The following MAML3 variants were observed in gnomAD, a reference collection of about 807,000 sequenced individuals.
The protein encoded by MAML3 is mastermind-like protein 3.
MAML3 carries 27 observed loss-of-function variants against 101.9 expected under a neutral mutation model. That is an observed-to-expected ratio of 0.27 (90% CI 0.20 to 0.37). The LOEUF (loss-of-function observed/expected upper bound fraction) is 0.37. Ranked by LOEUF, MAML3 falls within the 10% of genes least tolerant of loss-of-function variation. MAML3 has a pLI of 1.00. For missense variants in MAML3, 1,316 were observed against 1,444.9 expected (o/e 0.91, Z 1.45); for synonymous variants, 501 against 555.9 (o/e 0.90, Z 1.39).
Position 139,890,224 on chromosome 4 carries a change from T to C in MAML3, c.1212A>G (p.Pro404=). The C allele has an allele frequency of 6.2e-7, 1 of 1,613,548 alleles. No individual in the cohort carries two copies. Among genetic ancestry groups the C allele is most frequent in the Non-Finnish European group, 8.5e-7 (1 of 1,179,870 alleles). The change falls in exon 2 of 5, where the codon CCA becomes CCG. Residue 404 remains proline, a synonymous_variant. Transcript: ENST00000509479. This position sits in a 1 kb window ranked among gnomAD's most constrained non-coding sequence, Gnocchi z 4.1. The stretch of plus-strand genomic sequence containing the variant: ...AGTTTGCTGGTGAGCTTGCAGGGTT[T>C]GGAGCTGCGGGAGTGCTGGCAACAG... ...LPSVASTPAA[P]NPASSPANCA...
In MAML3 at chr4:140,115,082, TTAATACAATGCCCTAATTATGCTGCTGAA is replaced by T. The variant is rs1255058271; in HGVS notation, c.468+37749_468+37777del. Among the ~76,000 whole-genome samples the T allele has an allele frequency of 7.9e-5, 12 of 152,332 alleles. No homozygotes were observed. In the East Asian group the frequency reaches 2.3e-3, roughly 29 times the overall value. On this transcript the variant is annotated intron_variant, in intron 1 of 4. Coordinates refer to ENST00000509479, the MANE Select transcript of MAML3 (RefSeq NM_018717.5). ...AGGACAAGACACATGAAGTCTCATT[TTAATACAATGCCCTAATTATGCTGCTGAA>T]GTTTTATTAAACATTTGTCCTATGG...
chr4:140,088,933 A>C (rs1728000907), intron 1 of MAML3, among the ~76,000 whole-genome samples: 1 of 152,222 alleles, frequency 6.6e-6, no homozygotes, highest in African/African-American at 2.4e-5. Flanking sequence ...TGAACAAATG[A>C]ACTACGGAAC....
intron 1 of MAML3, among the ~76,000 whole-genome samples, chr4:139,962,293 C>A (rs1734034112): frequency 6.6e-6 from 1 of 152,140 alleles, no homozygotes; most frequent in African/African-American, 2.4e-5. Context: ...TTTGTCAGAG[C>A]TATTTCAGCT....
intron 2 of MAML3, among the ~76,000 whole-genome samples, chr4:139,755,311 A>T (rs2111046620): frequency 1.3e-5 from 2 of 152,326 alleles, no homozygotes; most frequent in South Asian, 4.1e-4. Context: ...GGATTTAAGA[A>T]AACTGTGCCA....
intron 4 of MAML3, among the ~76,000 whole-genome samples, chr4:139,721,172 A>G (rs924376781): frequency 3.3e-5 from 5 of 152,180 alleles, no homozygotes; most frequent in African/African-American, 9.7e-5. Context: ...TGCTAACACA[A>G]TTTTAATAAT....
intron 1 of MAML3, among the ~76,000 whole-genome samples, chr4:139,934,578 G>T (rs919767440): frequency 6.6e-6 from 1 of 152,104 alleles, no homozygotes; most frequent in Non-Finnish European, 1.5e-5. Context: ...GGGCGTCCAC[G>T]GGGCTCTTCG....
At chr4:139,816,624 A>G (rs1730897471) in intron 2 of MAML3, among the ~76,000 whole-genome samples, 1 of 152,166 alleles carries the variant, frequency 6.6e-6, no homozygotes, top group South Asian at 2.1e-4. Context: ...CTCCCTGAGA[A>G]GTCCAGTGTT....
chr4:139,888,471 G>T, intron 2 of MAML3: 1 of 510,122 alleles, frequency 2.0e-6, no homozygotes, highest in East Asian at 5.5e-5. Flanking sequence ...GCTTTAATGG[G>T]CATTTCCCCA....
chr4:139,879,134 G>A (rs1296653688), intron 2 of MAML3, among the ~76,000 whole-genome samples: 1 of 152,214 alleles, frequency 6.6e-6, no homozygotes, highest in African/African-American at 2.4e-5. Context: ...AATAAACACA[G>A]GCTGCTTGAA....
chr4:139,919,900 A>G (rs1257916852), intron 1 of MAML3, among the ~76,000 whole-genome samples: 2 of 152,182 alleles, frequency 1.3e-5, no homozygotes, highest in African/African-American at 4.8e-5. Flanking sequence ...TGCTTGATTT[A>G]TTAAAGTTGC....
intron 1 of MAML3, among the ~76,000 whole-genome samples, chr4:139,927,440 G>C (rs972688627): frequency 2.7e-4 from 41 of 152,288 alleles, no homozygotes; most frequent in Middle Eastern, 3.4e-3. Flanking sequence ...CATTTTAAGT[G>C]AGATATGCTG....
Position 139,982,527 on chromosome 4 carries a change from C to A in MAML3, c.469-91560G>T, listed in dbSNP as rs139901675. Among the ~76,000 whole-genome samples the A allele has an allele frequency of 1.0e-3, 156 of 152,198 alleles. 1 individual carries two copies. The highest frequency in any genetic ancestry group is 3.5e-3 in the African/African-American group (146 of 41,520). On this transcript the variant is annotated intron_variant, in intron 1 of 4. Coordinates refer to ENST00000509479, the MANE Select transcript of MAML3 (RefSeq NM_018717.5). ...GTCATTTCTAGGCCCTTTCAATTGA[C>A]AGAGCAAGGGAATATATACATGAAT...
chr4:139,765,662 C>G (rs1340810438), intron 2 of MAML3, among the ~76,000 whole-genome samples: 2 of 152,126 alleles, frequency 1.3e-5, no homozygotes. Context: ...TTGGAAAATG[C>G]TTAGAAGTCT....
At chr4:139,739,329 C>T (rs566747633) in intron 2 of MAML3, among the ~76,000 whole-genome samples, 2 of 152,296 alleles carry the variant, frequency 1.3e-5, no homozygotes, top group African/African-American at 4.8e-5. Flanking sequence ...CCCTTTTTTG[C>T]AGGGATAAAA....
chr4:139,864,922 GCTTT>G (rs1731865150), intron 2 of MAML3, among the ~76,000 whole-genome samples: 2 of 10,438 alleles, frequency 1.9e-4, no homozygotes, highest in African/African-American at 1.8e-3. Context: ...ATGCAAACTT[GCTTT>G]TTTTTTTTTT....
intron 2 of MAML3, among the ~76,000 whole-genome samples, chr4:139,878,231 TC>T (rs1334491550): frequency 2.6e-5 from 4 of 152,280 alleles, no homozygotes; most frequent in Admixed American, 2.0e-4. Context: ...TCCTACTCAT[TC>T]TTGGTCTATC....
At chr4:139,831,251 G>C (rs1731158752) in intron 2 of MAML3, among the ~76,000 whole-genome samples, 1 of 151,632 alleles carries the variant, frequency 6.6e-6, no homozygotes, top group Non-Finnish European at 1.5e-5. Context: ...AAATCCTCAG[G>C]GTAAAAATTA....
intron 1 of MAML3, among the ~76,000 whole-genome samples, chr4:140,150,801 G>A (rs1400187908): frequency 6.6e-6 from 1 of 152,152 alleles, no homozygotes; most frequent in South Asian, 2.1e-4. Context: ...AGGGACCGGA[G>A]CTACAGTCGA....
At chr4:140,129,408 C>T (rs77761673) in intron 1 of MAML3, among the ~76,000 whole-genome samples, 1 of 152,130 alleles carries the variant, frequency 6.6e-6, no homozygotes, top group African/African-American at 2.4e-5. Context: ...CTTATGCATA[C>T]CTTCTTTGCA....
Sources: allele counts gnomAD v4.1 joint callset (sites outside exome capture counted in the v4.1 genomes callset), GRCh38; gene constraint gnomAD v4.1.1; non-coding constraint Gnocchi (gnomAD v3.1); transcripts MANE v1.5; gene names NCBI Gene and HGNC (gene_info 2026-07-23, HGNC 2026-07-21).